The following LY75 variants were observed in gnomAD, a reference collection of about 807,000 sequenced individuals.
The protein encoded by LY75 is lymphocyte antigen 75.
In LY75, 185 loss-of-function variants were observed where a neutral mutation model predicts 231.7. The observed-to-expected ratio is 0.80, with a 90% CI of 0.71 to 0.90. The LOEUF (loss-of-function observed/expected upper bound fraction) is 0.90. Among genes scored for constraint, LY75 ranks in the 40% least tolerant of loss-of-function variants. The probability of loss-of-function intolerance (pLI) is 0.00; values close to 1 mark genes in which losing one functional copy is unlikely to be tolerated. For missense variants in LY75, 1,947 were observed against 2,050.2 expected, an observed-to-expected ratio of 0.95 and a Z score of 0.97; for synonymous variants, 668 against 689.0, an observed-to-expected ratio of 0.97 and a Z score of 0.48.
rs554442665 is a variant in LY75, at chr2:159,898,253, C to T, written c.466+435G>A. On this transcript the variant is annotated intron_variant, in intron 2 of 34. Coordinates refer to ENST00000263636, the MANE Select transcript of LY75 (RefSeq NM_002349.4). ...CCTCAGTCTCTCGAGAAGCTGGGAC[C>T]GCAACCATGCACCACTACGCCTGAC... Among the ~76,000 whole-genome samples the T allele has an allele frequency of 2.6e-5, 4 of 152,244 alleles. No homozygotes were observed. The South Asian group carries it at 6.2e-4, about 24-fold the overall frequency.
chr2:159,874,966 T>TAA (rs1300096705), intron 12 of LY75, among the ~76,000 whole-genome samples: 1 of 138,624 alleles, frequency 7.2e-6, no homozygotes, highest in African/African-American at 2.6e-5. Flanking sequence ...AATATATTTA[T>TAA]AATATATATA....
In LY75 at chr2:159,872,540, T is replaced by A. The variant is rs1156966005; in HGVS notation, c.2028A>T (p.Arg676=). 1 of 1,614,002 alleles carries A rather than the reference T, an allele frequency of 6.2e-7. No individual in the cohort carries two copies. Among genetic ancestry groups the A allele is most frequent in the Admixed American group, 1.7e-5 (1 of 59,996 alleles). Residue 676 remains arginine, a synonymous_variant, in exon 13 of 35, where the codon CGA becomes CGT. Transcript: ENST00000263636. ...VRKRNWEEAE[R]FCQALGAHLS... ...GGTGTGCTCCAAGGGCTTGGCAGAA[T>A]CGTTCAGCTTCTTCCCAGTTCCTCT...
chr2:159,885,304 A>T lies in LY75; in HGVS notation c.914-11T>A. On this transcript the variant is annotated splice_polypyrimidine_tract_variant and intron_variant, in intron 5 of 34. Coordinates refer to ENST00000263636, the MANE Select transcript of LY75 (RefSeq NM_002349.4). ...GTGCACTGGGCCTGTCTTAAAAGGG[A>T]ACATTTTTCAAAGCATTAGAATGAG... is the stretch of plus-strand genomic sequence containing the variant. 6.2e-7 allele frequency: 1 copy of T among 1,609,156 alleles called. No homozygotes were observed. Among genetic ancestry groups the T allele is most frequent in the Non-Finnish European group, 8.5e-7 (1 of 1,177,480 alleles).
chr2:159,874,238 T>TATATATAGTAAATATATATAA (rs1685125688), intron 12 of LY75, among the ~76,000 whole-genome samples: 1 of 90,954 alleles, frequency 1.1e-5, no homozygotes, highest in African/African-American at 3.8e-5. Flanking sequence ...ATTGTAAATA[T>TATATATAGTAAATATATATAA]ATATATTGTA....
chr2:159,811,936 TC>T (rs773041653), intron 31 of LY75, among the ~76,000 whole-genome samples: 2 of 152,212 alleles, frequency 1.3e-5, no homozygotes, highest in African/African-American at 2.4e-5. Flanking sequence ...TTCTCACAAC[TC>T]CTCATCAATG....
intron 17 of LY75, 59 bp downstream of exon 17, chr2:159,854,845 A>C: frequency 6.3e-7 from 1 of 1,590,340 alleles, no homozygotes; most frequent in Non-Finnish European, 8.6e-7. Context: ...ATAATTAACT[A>C]AATGCATTAG....
chr2:159,812,802 A>C (rs531182618), intron 31 of LY75, among the ~76,000 whole-genome samples: 1 of 152,296 alleles, frequency 6.6e-6, no homozygotes, highest in Admixed American at 6.5e-5. Flanking sequence ...AAAATTTTTT[A>C]TCTTGCAAAA....
chr2:159,842,490 G>T, intron 23 of LY75, 116 bp from the exon 24 acceptor site: 1 of 1,267,938 alleles, frequency 7.9e-7, no homozygotes. Flanking sequence ...TTCCATGAAG[G>T]ACCTGACCAT....
At chr2:159,904,318 T>TA (rs1686170691) in intron 1 of LY75, among the ~76,000 whole-genome samples, 1 of 152,226 alleles carries the variant, frequency 6.6e-6, no homozygotes, top group South Asian at 2.1e-4. Flanking sequence ...TCCGTGCGCC[T>TA]ACTCTACGGT....
rs1230684172 is a variant in LY75, at chr2:159,850,467, A to G, written c.2884T>C (p.Cys962Arg). 4.3e-6 allele frequency: 7 copies of G among 1,613,376 alleles called. No individual in the cohort carries two copies. The highest frequency in any genetic ancestry group is 1.1e-5 in the South Asian group (1 of 91,056). ...SEQWIPFQNKCFLKIKPVSLT... is the reference protein window; with the variant it reads ...SEQWIPFQNKRFLKIKPVSLT... ...GACACGGGTTTGATCTTTAGAAAAC[A>G]CTGCAAACAAAGACATATGTGAAGC... Residue 962 changes from cysteine (C) to arginine (R), a missense_variant and splice_region_variant, in exon 22 of 35, where the codon TGT (cysteine) becomes CGT (arginine). By Grantham distance (180) the Cys-to-Arg change is radical. Coordinates refer to ENST00000263636, the MANE Select transcript of LY75 (RefSeq NM_002349.4).
chr2:159,880,548 G>T (rs1390615749), intron 8 of LY75, among the ~76,000 whole-genome samples: 3 of 152,174 alleles, frequency 2.0e-5, no homozygotes, highest in Admixed American at 6.5e-5. Context: ...GAGTTCTAAA[G>T]GGATTCTCTG....
chr2:159,893,474 T>A (rs1191144954), intron 3 of LY75, among the ~76,000 whole-genome samples: 1 of 152,238 alleles, frequency 6.6e-6, no homozygotes, highest in Non-Finnish European at 1.5e-5. Flanking sequence ...AGATTGTAAC[T>A]ACATAAATTT....
At chr2:159,833,785 T>C (rs919252148) in intron 27 of LY75, among the ~76,000 whole-genome samples, 4 of 152,078 alleles carry the variant, frequency 2.6e-5, no homozygotes, top group Admixed American at 2.0e-4. Context: ...ATCTTGAGGG[T>C]GGGTTTTTCC....
Position 159,862,190 on chromosome 2 carries a change from G to A in LY75, c.2200-1301C>T, listed in dbSNP as rs577220261. On this transcript the variant is annotated intron_variant, in intron 14 of 34. Transcript: ENST00000263636. ...GCCTGAAGTCCCAGCCACTCAGGAGGCTGAGGCAGGAGAATGGTGTGAACC... is the reference window on the plus strand; with the variant it reads ...GCCTGAAGTCCCAGCCACTCAGGAGACTGAGGCAGGAGAATGGTGTGAACC... Among the ~76,000 whole-genome samples, 271 of 151,894 alleles carry A rather than the reference G, an allele frequency of 1.8e-3. 1 individual carries two copies. Among genetic ancestry groups the A allele is most frequent in the Non-Finnish European group, 2.9e-3 (194 of 67,988 alleles).
At chr2:159,887,413 C>T (rs1029568696) in intron 4 of LY75, among the ~76,000 whole-genome samples, 3 of 151,402 alleles carry the variant, frequency 2.0e-5, no homozygotes, top group Non-Finnish European at 4.4e-5. Flanking sequence ...CAAAAATTAG[C>T]CAGGTGTGGT....
chr2:159,874,271 A>G (rs1426593023), intron 12 of LY75, among the ~76,000 whole-genome samples: 20 of 111,496 alleles, frequency 1.8e-4, no homozygotes, highest in African/African-American at 3.3e-4. Flanking sequence ...GTAAATATAT[A>G]TAAATATATT....
Position 159,819,944 on chromosome 2 carries a change from A to G in LY75, c.3959-24T>C, listed in dbSNP as rs779565440. The stretch of plus-strand genomic sequence containing the variant: ...ATCTAGAGAAGAAACATTTTTTCCT[A>G]TGCTTAGAGATTAAATCAAGACTTG... On this transcript the variant is annotated intron_variant, in intron 28 of 34. Coordinates refer to ENST00000263636, the MANE Select transcript of LY75 (RefSeq NM_002349.4). The G allele has an allele frequency of 4.6e-6, 7 of 1,528,766 alleles. No individual in the cohort carries two copies. In the South Asian group the frequency reaches 8.7e-5, roughly 19 times the overall value. The allele number at this position is 1,528,766 out of a possible 1,614,324, so 94.7% of individuals were successfully genotyped here.
rs370621624 is a variant in LY75, at chr2:159,879,908, C to T, written c.1405-539G>A. On this transcript the variant is annotated intron_variant, in intron 8 of 34. Transcript: ENST00000263636. Reference sequence around the variant, plus strand: ...TAACATTAATTTGCTTAATTGACTACGTCACTTTGCTTTGTTTGAATTAAA... The same window carrying T: ...TAACATTAATTTGCTTAATTGACTATGTCACTTTGCTTTGTTTGAATTAAA... Among the ~76,000 whole-genome samples the T allele has an allele frequency of 9.5e-4, 145 of 152,266 alleles. 6 individuals are homozygous for T. The South Asian group carries it at 0.029, about 30-fold the overall frequency.
At chr2:159,830,274 T>C (rs1683607289) in intron 28 of LY75, among the ~76,000 whole-genome samples, 1 of 152,154 alleles carries the variant, frequency 6.6e-6, no homozygotes, top group Admixed American at 6.5e-5. Context: ...TTGAGTAATT[T>C]AGCTTCTTTT....
Sources: gnomAD v4.1 joint callset for allele counts (sites outside exome capture counted in the v4.1 genomes callset) on GRCh38, gnomAD v4.1.1 for gene constraint, MANE v1.5 for transcripts, NCBI Gene and HGNC (gene_info 2026-07-23, HGNC 2026-07-21) for gene names.